Variants in ZFHX4 observed in about 807,000 individuals in gnomAD.
ZFHX4 encodes zinc finger homeobox 4.
ZFHX4 carries 56 observed loss-of-function variants against 267.6 expected under a neutral mutation model. The ratio of observed to expected loss-of-function variants is 0.21; its 90% CI spans 0.17 to 0.26. ZFHX4 has a LOEUF of 0.26. ZFHX4 is among the 10% of genes least tolerant of loss of function. ZFHX4 has a pLI of 1.00. For missense variants in ZFHX4, 4,332 were observed against 4,420.0 expected, an observed-to-expected ratio of 0.98 and a Z score of 0.56; for synonymous variants, 1,778 against 1,665.6, an observed-to-expected ratio of 1.07 and a Z score of -1.64.
intron 3 of ZFHX4, among the ~76,000 whole-genome samples, chr8:76,756,038 C>A (rs1809751540): frequency 6.6e-6 from 1 of 151,830 alleles, no homozygotes; most frequent in African/African-American, 2.4e-5. Context: ...GAAGATGTGT[C>A]AAAGTCAAGT....
rs754793159 is a variant in ZFHX4 at position 76,704,329 on chromosome 8, C to T, written c.241C>T (p.Pro81Ser). ...TCAGGTTACCTCAGCAAAGGAGATA[C>T]CCTGCAACGAATGTGCCACTTCTTT... ...ATQVTSAKEI[P>S]CNECATSFPS... is the part of the protein sequence containing the mutation. The change falls in exon 2 of 11, where the codon CCC becomes TCC. Residue 81 changes from proline (P) to serine (S), a missense_variant. Transcript: ENST00000651372. The T allele has an allele frequency of 1.9e-6, 3 of 1,613,990 alleles. No individual in the cohort carries two copies. In the South Asian group the frequency reaches 3.3e-5, roughly 18 times the overall value.
At chr8:76,725,731 G>T (rs891134646) in intron 3 of ZFHX4, among the ~76,000 whole-genome samples, 3 of 152,028 alleles carry the variant, frequency 2.0e-5, no homozygotes, top group Non-Finnish European at 2.9e-5. Context: ...ACCTTTTGAG[G>T]TTTTGTTTAA....
chr8:76,776,968 A>T (rs1028156749), intron 3 of ZFHX4, among the ~76,000 whole-genome samples: 1 of 152,182 alleles, frequency 6.6e-6, no homozygotes, highest in African/African-American at 2.4e-5. Context: ...TTGATCCTGT[A>T]TATAAAGGTT....
At chr8:76,773,891 C>A in intron 3 of ZFHX4, among the ~76,000 whole-genome samples, 1 of 151,972 alleles carries the variant, frequency 6.6e-6, no homozygotes, top group Non-Finnish European at 1.5e-5. Flanking sequence ...GTTTAATAAG[C>A]AGAATAGTAT....
chr8:76,735,615 G>C (rs551523579), intron 3 of ZFHX4, among the ~76,000 whole-genome samples: 5 of 152,130 alleles, frequency 3.3e-5, no homozygotes, highest in African/African-American at 1.2e-4. Context: ...CTGTTTCTGT[G>C]GAATATGAAC....
At chr8:76,846,775 G>A (rs1376382340) in intron 6 of ZFHX4, among the ~76,000 whole-genome samples, 1 of 151,980 alleles carries the variant, frequency 6.6e-6, no homozygotes, top group African/African-American at 2.4e-5. Flanking sequence ...ATATGCTTAT[G>A]GAAATGAGTC....
intron 4 of ZFHX4, among the ~76,000 whole-genome samples, chr8:76,779,118 G>T (rs1810480590): frequency 2.0e-5 from 3 of 152,056 alleles, no homozygotes; most frequent in Admixed American, 2.0e-4. Flanking sequence ...GAAACTTTAT[G>T]CATTAAAACT....
Position 76,833,287 on chromosome 8 carries a change from G to C in ZFHX4, c.3326-51G>C, listed in dbSNP as rs1331171043. On this transcript the variant is annotated intron_variant, in intron 4 of 10. Transcript: ENST00000651372. ...GTTCTTGTAATATTAGCCATGATGA[G>C]AGAGCTGGATATGGCATGCTGATTA... 7.9e-6 allele frequency: 12 copies of C among 1,520,732 alleles called. 1 individual carries two copies. Among genetic ancestry groups the C allele is most frequent in the Non-Finnish European group, 7.2e-6 (8 of 1,104,706 alleles). 94.2% of individuals were successfully genotyped at this position (1,520,732 alleles called of 1,614,324 possible).
intron 3 of ZFHX4, among the ~76,000 whole-genome samples, chr8:76,743,895 C>G (rs1809386057): frequency 6.6e-6 from 1 of 152,176 alleles, no homozygotes; most frequent in African/African-American, 2.4e-5. Context: ...TCATCCTAGT[C>G]AAACTCTATT....
chr8:76,865,869 T>G lies in ZFHX4; in HGVS notation c.*1304T>G, dbSNP rs1160169825. 5.9e-5 allele frequency: 9 copies of G among 152,596 alleles called. No homozygotes were observed. 9.5% of individuals were successfully genotyped at this position (152,596 alleles called of 1,614,324 possible). ...GTTGTATTGTTCTGTTACATACTTT[T>G]TTTAACCTGTTTTGTTTTATCATAT... On this transcript the variant is annotated 3_prime_UTR_variant, in exon 11 of 11. Coordinates refer to ENST00000651372, the MANE Select transcript of ZFHX4 (RefSeq NM_024721.5).
At chr8:76,791,095 T>C (rs1424518512) in intron 4 of ZFHX4, among the ~76,000 whole-genome samples, 4 of 152,210 alleles carry the variant, frequency 2.6e-5, no homozygotes, top group African/African-American at 9.6e-5. Flanking sequence ...AGAAACAGAC[T>C]GAAAAACTGA....
rs1434333139 is a variant in ZFHX4, at chr8:76,763,980, A to G, written c.3094-14228A>G. On this transcript the variant is annotated intron_variant, in intron 3 of 10. Coordinates refer to ENST00000651372, the MANE Select transcript of ZFHX4 (RefSeq NM_024721.5). ...TAAACTTTATATTCATATGTTCATA[A>G]TCTTTATCATTTATTTTTCTCATCA... is the stretch of plus-strand genomic sequence containing the variant. Among the ~76,000 whole-genome samples the G allele has an allele frequency of 3.9e-5, 6 of 152,296 alleles. No homozygotes were observed. In the East Asian group the frequency reaches 1.2e-3, roughly 29 times the overall value.
intron 4 of ZFHX4, among the ~76,000 whole-genome samples, chr8:76,780,212 C>T (rs1335224461): frequency 6.6e-6 from 1 of 152,110 alleles, no homozygotes; most frequent in Non-Finnish European, 1.5e-5. Context: ...GTCAAATCTT[C>T]TATTTTTTGT....
intron 1 of ZFHX4, among the ~76,000 whole-genome samples, chr8:76,682,036 C>T (rs1807544882): frequency 6.6e-6 from 1 of 152,184 alleles, no homozygotes; most frequent in South Asian, 2.1e-4. Context: ...TTTGCCTTCC[C>T]CGCGAGCCCC....
chr8:76,705,916 G>A lies in ZFHX4; in HGVS notation c.1828G>A (p.Gly610Ser), dbSNP rs765999014. ...AGGGCCTGGAGGAGACGGCTCACCG[G>A]GCAGTGGCATCGAGTGTCCAAAGTG... The part of the protein sequence containing the change: ...TPGPGGDGSP[G>S]SGIECPKCDT... Residue 610 changes from glycine to serine, a missense_variant, in exon 2 of 11, where the codon GGC (glycine) becomes AGC (serine). Transcript: ENST00000651372. 16 of 1,613,632 alleles carry A rather than the reference G, an allele frequency of 9.9e-6. No individual in the cohort carries two copies. Among genetic ancestry groups the A allele is most frequent in the Non-Finnish European group, 1.3e-5 (15 of 1,179,864 alleles).
At chr8:76,723,882 A>C (rs12682056) in intron 3 of ZFHX4, among the ~76,000 whole-genome samples, 7,865 of 152,132 alleles carry the variant, frequency 0.052, 421 homozygotes, top group East Asian at 0.24. Flanking sequence ...TTGAATGGGA[A>C]CATGCATTGA....
At chr8:76,816,770 A>G (rs536857097) in intron 4 of ZFHX4, among the ~76,000 whole-genome samples, 21 of 151,708 alleles carry the variant, frequency 1.4e-4, no homozygotes, top group Admixed American at 1.1e-3. Context: ...TAATTTTTGT[A>G]TTTTTAGTAG....
chr8:76,855,230 C>T lies in ZFHX4; in HGVS notation c.8309C>T (p.Pro2770Leu), dbSNP rs777664868. The T allele has an allele frequency of 6.2e-7, 1 of 1,612,194 alleles. No homozygotes were observed. The highest frequency in any genetic ancestry group is 8.5e-7 in the Non-Finnish European group (1 of 1,179,294). The change falls in exon 10 of 11, where the codon CCT (proline) becomes CTT (leucine). Residue 2770 changes from proline (P) to leucine (L), a missense_variant. By Grantham distance (98) the Pro-to-Leu change is moderately conservative. This residue lies in a region of ZFHX4 where 1,648 missense variants were observed against 1,625.0 expected (regional missense o/e 1.01). Transcript: ENST00000651372. ...AELSPKNLLSPSSFKAECSED... is the reference protein window; with the variant it reads ...AELSPKNLLSLSSFKAECSED... ...CTGTCACCGAAGAATCTTTTAAGCC[C>T]TTCTTCTTTTAAAGCAGAGTGTTCT...
chr8:76,712,408 T>C (rs1380031259), intron 3 of ZFHX4, among the ~76,000 whole-genome samples: 1 of 152,138 alleles, frequency 6.6e-6, no homozygotes, highest in Non-Finnish European at 1.5e-5. Context: ...TTTTTTTTCT[T>C]AGTAGGAAAT....
Sources: allele counts gnomAD v4.1 joint callset (sites outside exome capture counted in the v4.1 genomes callset), GRCh38; gene constraint gnomAD v4.1.1; regional missense constraint gnomAD v4.1.1; transcripts MANE v1.5; gene names NCBI Gene and HGNC (gene_info 2026-07-23, HGNC 2026-07-21).